PPP1R12B: variants seen among roughly 807,000 people sequenced by gnomAD.
PPP1R12B encodes myosin phosphatase target subunit 2.
A neutral mutation model predicts 126.1 loss-of-function variants in PPP1R12B; 76 were observed. The ratio of observed to expected loss-of-function variants is 0.60; its 90% CI spans 0.50 to 0.73. PPP1R12B has a LOEUF of 0.73. PPP1R12B is among the 30% of genes least tolerant of loss of function. PPP1R12B has a pLI of 0.00. For missense variants in PPP1R12B, 1,052 were observed against 1,205.1 expected (o/e 0.87, Z 1.88); for synonymous variants, 356 against 434.7 (o/e 0.82, Z 2.25).
At chr1:202,349,270 T>A in intron 1 of PPP1R12B, 128 bp downstream of exon 1, 1 of 1,142,256 alleles carries the variant, frequency 8.8e-7, no homozygotes, top group Non-Finnish European at 1.2e-6. Flanking sequence ...CCTTTTGGGC[T>A]AATCGGTTTC....
At chr1:202,457,068 C>T (rs558543621) in intron 13 of PPP1R12B, among the ~76,000 whole-genome samples, 2 of 152,304 alleles carry the variant, frequency 1.3e-5, no homozygotes, top group South Asian at 4.1e-4. Flanking sequence ...TGAAGATAGA[C>T]ACACGTATAG....
chr1:202,477,380 C>T (rs1676799875), intron 13 of PPP1R12B, among the ~76,000 whole-genome samples: 4 of 152,160 alleles, frequency 2.6e-5, no homozygotes, highest in Non-Finnish European at 5.9e-5. Flanking sequence ...TATCCACAAT[C>T]ACCTACCAAG....
At chr1:202,358,506 C>A (rs887764599) in intron 1 of PPP1R12B, among the ~76,000 whole-genome samples, 1 of 152,120 alleles carries the variant, frequency 6.6e-6, no homozygotes, top group Non-Finnish European at 1.5e-5. Context: ...CACGGTGAAA[C>A]CCTGTCTCTA....
chr1:202,467,144 C>G, intron 13 of PPP1R12B, among the ~76,000 whole-genome samples: 1 of 152,066 alleles, frequency 6.6e-6, no homozygotes, highest in East Asian at 1.9e-4. Context: ...CTCATCCAAT[C>G]ACTGACTCCT....
chr1:202,475,537 G>T (rs371240742), intron 13 of PPP1R12B, among the ~76,000 whole-genome samples: 2 of 152,192 alleles, frequency 1.3e-5, no homozygotes, highest in South Asian at 4.1e-4. Context: ...ATGGTACTGA[G>T]TGGAGGAAAC....
intron 1 of PPP1R12B, among the ~76,000 whole-genome samples, chr1:202,386,471 A>G (rs1036127382): frequency 5.3e-5 from 8 of 152,060 alleles, no homozygotes; most frequent in African/African-American, 1.7e-4. Context: ...AGCTGGGACT[A>G]CAGGTGCCCG....
In PPP1R12B at chr1:202,534,529, GT is replaced by G. The variant is rs531779167; in HGVS notation, c.2491-24346del. ...TATCTATCTATATTGAAAATCATGA[GT>G]TCATACCAACATGGGGTTCTTTCTA... On this transcript the variant is annotated intron_variant, in intron 18 of 23. Coordinates refer to ENST00000608999, the MANE Select transcript of PPP1R12B (RefSeq NM_002481.4). Among the ~76,000 whole-genome samples, 298 of 147,966 alleles carry G rather than the reference GT, an allele frequency of 2.0e-3. 1 individual carries two copies. The highest frequency in any genetic ancestry group is 7.0e-3 in the African/African-American group (282 of 40,456).
intron 1 of PPP1R12B, among the ~76,000 whole-genome samples, chr1:202,350,647 G>GTTTTTTTTTTTTTTTTTTT: frequency 6.7e-6 from 1 of 150,074 alleles, no homozygotes. Flanking sequence ...TTGATTCAGA[G>GTTTTTTTTTTTTTTTTTTT]TCTCGCTCTG....
At chr1:202,473,525 C>T (rs933082869) in intron 13 of PPP1R12B, among the ~76,000 whole-genome samples, 1 of 152,190 alleles carries the variant, frequency 6.6e-6, no homozygotes, top group Admixed American at 6.5e-5. Context: ...GAAATAGGAT[C>T]CAGAATGAGA....
intron 18 of PPP1R12B, among the ~76,000 whole-genome samples, chr1:202,521,428 T>G (rs1682775660): frequency 6.6e-6 from 1 of 152,148 alleles, no homozygotes; most frequent in South Asian, 2.1e-4. Context: ...GGTGAGAGTT[T>G]AAAAATAAGT....
At chr1:202,548,808 C>CTCTCTCTA (rs1218548068) in intron 18 of PPP1R12B, among the ~76,000 whole-genome samples, 27 of 72,990 alleles carry the variant, frequency 3.7e-4, no homozygotes, top group Admixed American at 8.5e-4. Context: ...CTCTCTCTCT[C>CTCTCTCTA]TATATATATA....
At chr1:202,497,230 A>C (rs970591424) in intron 18 of PPP1R12B, among the ~76,000 whole-genome samples, 11 of 152,238 alleles carry the variant, frequency 7.2e-5, no homozygotes, top group African/African-American at 2.7e-4. Context: ...ACAGTCCCCA[A>C]GTCATTTATA....
intron 18 of PPP1R12B, among the ~76,000 whole-genome samples, chr1:202,520,212 A>G (rs1682625124): frequency 6.6e-6 from 1 of 152,250 alleles, no homozygotes; most frequent in Admixed American, 6.5e-5. Flanking sequence ...CTTATTTTAC[A>G]GATGGAAAAC....
chr1:202,376,146 T>G (rs1661145795), intron 1 of PPP1R12B, among the ~76,000 whole-genome samples: 1 of 152,230 alleles, frequency 6.6e-6, no homozygotes, highest in South Asian at 2.1e-4. Context: ...TAATCAGAAT[T>G]TGTATTTCAA....
chr1:202,378,766 T>A (rs1661703132), intron 1 of PPP1R12B, among the ~76,000 whole-genome samples: 1 of 152,186 alleles, frequency 6.6e-6, no homozygotes, highest in Non-Finnish European at 1.5e-5. Context: ...GCATGAGCCA[T>A]CGCGCCCGGC....
intron 1 of PPP1R12B, among the ~76,000 whole-genome samples, chr1:202,408,048 CA>C (rs1004705641): frequency 6.6e-6 from 1 of 151,984 alleles, no homozygotes; most frequent in African/African-American, 2.4e-5. Context: ...AGGTTATATG[CA>C]AATATTATAC....
chr1:202,578,112 A>T (rs1052442215), intron 23 of PPP1R12B, among the ~76,000 whole-genome samples: 5 of 151,162 alleles, frequency 3.3e-5, no homozygotes, highest in Admixed American at 3.3e-4. Flanking sequence ...ACTTTTTGCC[A>T]CTCCCTTTAG....
chr1:202,475,305 A>AG (rs1676487491), intron 13 of PPP1R12B, among the ~76,000 whole-genome samples: 1 of 152,182 alleles, frequency 6.6e-6, no homozygotes, highest in Admixed American at 6.5e-5. Flanking sequence ...TAATGTTTAT[A>AG]GTTTGTTCAT....
rs991519833 is a variant in PPP1R12B, at chr1:202,582,522, A to C, written c.*1962A>C. ...CTCTGTCTGTTAATTCTTTCCTAACATGACATGTAGCTCTCCATGGTCCTC... is the reference window on the plus strand; with the variant it reads ...CTCTGTCTGTTAATTCTTTCCTAACCTGACATGTAGCTCTCCATGGTCCTC... On this transcript the variant is annotated 3_prime_UTR_variant, in exon 24 of 24. Coordinates refer to ENST00000608999, the MANE Select transcript of PPP1R12B (RefSeq NM_002481.4). The C allele has an allele frequency of 1.3e-5, 2 of 152,576 alleles. No individual in the cohort carries two copies. Among genetic ancestry groups the C allele is most frequent in the African/African-American group, 4.8e-5 (2 of 41,410 alleles). 9.5% of individuals were successfully genotyped at this position (152,576 alleles called of 1,614,324 possible). A position where few individuals can be genotyped will look rare whatever the true frequency, so the allele number is the denominator to read the frequency against.
Sources: allele counts gnomAD v4.1 joint callset (sites outside exome capture counted in the v4.1 genomes callset), GRCh38; gene constraint gnomAD v4.1.1; transcripts MANE v1.5; gene names NCBI Gene and HGNC (gene_info 2026-07-23, HGNC 2026-07-21).